ACOX2: variants seen among roughly 807,000 people sequenced by gnomAD.
The protein encoded by ACOX2 is acyl-CoA oxidase 2.
A neutral mutation model predicts 77.5 loss-of-function variants in ACOX2; 59 were observed. That is an observed-to-expected ratio of 0.76 (90% CI 0.62 to 0.95). ACOX2 has a LOEUF of 0.95. Among genes scored for constraint, ACOX2 ranks in the 40% least tolerant of loss-of-function variants. The pLI, the probability that ACOX2 is intolerant of heterozygous loss-of-function variation, is 0.00. For missense variants in ACOX2, 837 were observed against 880.4 expected, an observed-to-expected ratio of 0.95 and a Z score of 0.62; for synonymous variants, 317 against 340.1, an observed-to-expected ratio of 0.93 and a Z score of 0.75.
chr3:58,515,823 G>C lies in ACOX2; in HGVS notation c.1850+1383C>G, dbSNP rs757007601. ...GACAAGGTCTCACTTTGTTGCCCAG[G>C]CTGGAGTGCAGTGGTGTGATCATAG... On this transcript the variant is annotated intron_variant, in intron 13 of 14. Coordinates refer to ENST00000302819, the MANE Select transcript of ACOX2 (RefSeq NM_003500.4). The surrounding 1 kb of genome is among the most constrained non-coding windows in gnomAD (Gnocchi z 4.0). Among the ~76,000 whole-genome samples the C allele has an allele frequency of 6.6e-6, 1 of 151,962 alleles. No individual in the cohort carries two copies. Among genetic ancestry groups the C allele is most frequent in the Non-Finnish European group, 1.5e-5 (1 of 68,016 alleles).
intron 13 of ACOX2, among the ~76,000 whole-genome samples, chr3:58,510,703 TATATATACACAC>T (rs1189549917): frequency 2.2e-4 from 1 of 4,516 alleles, no homozygotes; most frequent in Non-Finnish European, 4.5e-4. Context: ...TATATATATA[TATATATACACAC>T]ACACACACAC....
rs1335825698 is a variant in ACOX2, at chr3:58,521,184, C to G, written c.1632+1312G>C. ...GGGGGTGCCCCTGCTGTAGGCTGAG[C>G]AGAACTGAGGGCTGCAGAGGTAATC... On this transcript the variant is annotated intron_variant, in intron 12 of 14. Transcript: ENST00000302819. The surrounding 1 kb of genome is among the most constrained non-coding windows in gnomAD (Gnocchi z 4.8). Among the ~76,000 whole-genome samples, 1 of 152,182 alleles carries G rather than the reference C, an allele frequency of 6.6e-6. No individual in the cohort carries two copies. The highest frequency in any genetic ancestry group is 2.4e-5 in the African/African-American group (1 of 41,442).
Position 58,535,750 on chromosome 3 carries a change from G to T in ACOX2, c.-91-553C>A, listed in dbSNP as rs1403640164. ...AGGAAGCCTTCTTCCTGCCTGTGAAGTGTTCCCCTGGAGCCCCTGAGTGTC... is the reference window on the plus strand; with the variant it reads ...AGGAAGCCTTCTTCCTGCCTGTGAATTGTTCCCCTGGAGCCCCTGAGTGTC... On this transcript the variant is annotated intron_variant, in intron 1 of 14. Coordinates refer to ENST00000302819, the MANE Select transcript of ACOX2 (RefSeq NM_003500.4). This position sits in a 1 kb window ranked among gnomAD's most constrained non-coding sequence, Gnocchi z 4.8. 6.6e-6 allele frequency among the ~76,000 whole-genome samples: 1 copy of T among 152,166 alleles called. No homozygotes were observed. Among genetic ancestry groups the T allele is most frequent in the Non-Finnish European group, 1.5e-5 (1 of 68,024 alleles).
chr3:58,520,682 C>T (rs1455989759), intron 12 of ACOX2, among the ~76,000 whole-genome samples: 1 of 152,240 alleles, frequency 6.6e-6, no homozygotes, highest in East Asian at 1.9e-4. Flanking sequence ...TTTCTGTAGA[C>T]TAAATAACCC....
At position 58,531,776 on chromosome 3, in the gene ACOX2, T is replaced by C. The variant is rs895944747; in HGVS notation, c.620A>G (p.Gln207Arg). The change falls in exon 6 of 15, where the codon CAG (glutamine) becomes CGG (arginine). Residue 207 changes from glutamine (Q) to arginine (R), a missense_variant. Gln to Arg is a conservative substitution (Grantham distance 43). Coordinates refer to ENST00000302819, the MANE Select transcript of ACOX2 (RefSeq NM_003500.4). The surrounding 1 kb of genome is among the most constrained non-coding windows in gnomAD (Gnocchi z 5.8). ...CCGCCTGGCTCCTGAGCAGATCAGC[T>C]GGGCCTGGACCAGGGCATGGGTGGC... ...RSATHALVQA[Q>R]LICSGARRGM... 1 of 1,614,052 alleles carries C rather than the reference T, an allele frequency of 6.2e-7. No homozygotes were observed. The highest frequency in any genetic ancestry group is 8.5e-7 in the Non-Finnish European group (1 of 1,180,040).
rs768083487 is a variant in ACOX2, at chr3:58,535,394, C to G, written c.-91-197G>C. On this transcript the variant is annotated intron_variant, in intron 1 of 14. Coordinates refer to ENST00000302819, the MANE Select transcript of ACOX2 (RefSeq NM_003500.4). The surrounding 1 kb of genome is among the most constrained non-coding windows in gnomAD (Gnocchi z 4.8). ...ACATGTTTGTTCAATACTTGTTAGC[C>G]AAAATTGGACAGGGCCTGACCCCAA... Among the ~76,000 whole-genome samples the G allele has an allele frequency of 6.6e-6, 1 of 152,120 alleles. No homozygotes were observed. The highest frequency in any genetic ancestry group is 1.5e-5 in the Non-Finnish European group (1 of 68,020).
In ACOX2 at chr3:58,512,863, CG is replaced by C. The variant is rs1404527796; in HGVS notation, c.1851-3839del. Among the ~76,000 whole-genome samples, 3 of 152,170 alleles carry C rather than the reference CG, an allele frequency of 2.0e-5. No homozygotes were observed. Among genetic ancestry groups the C allele is most frequent in the African/African-American group, 7.2e-5 (3 of 41,440 alleles). Reference sequence around the variant, plus strand: ...AACATGCTTTGCAGGTGTGACTGTACGAGCAATAGGCTATACCATTTAGGCT... The same window carrying C: ...AACATGCTTTGCAGGTGTGACTGTACAGCAATAGGCTATACCATTTAGGCT... On this transcript the variant is annotated intron_variant, in intron 13 of 14. Coordinates refer to ENST00000302819, the MANE Select transcript of ACOX2 (RefSeq NM_003500.4). The surrounding 1 kb of genome is among the most constrained non-coding windows in gnomAD (Gnocchi z 4.8).
Position 58,523,614 on chromosome 3 carries a change from A to AT in ACOX2, c.1526+811dup, listed in dbSNP as rs143640158. Among the ~76,000 whole-genome samples the AT allele has an allele frequency of 0.012, 1,866 of 151,728 alleles. 42 individuals are homozygous for AT. Among genetic ancestry groups the AT allele is most frequent in the African/African-American group, 0.043 (1,764 of 41,368 alleles). Reference sequence around the variant, plus strand: ...GTTTCCTTTTTATTTTTTTATTAAAATTTTTTGTATTTTTGGTAGAGGTGG... The same window carrying AT: ...GTTTCCTTTTTATTTTTTTATTAAAATTTTTTTGTATTTTTGGTAGAGGTGG... On this transcript the variant is annotated intron_variant, in intron 11 of 14. Transcript: ENST00000302819. The surrounding 1 kb of genome is among the most constrained non-coding windows in gnomAD (Gnocchi z 5.3).
Position 58,526,641 on chromosome 3 carries a change from T to C in ACOX2, c.1171A>G (p.Thr391Ala). Residue 391 changes from threonine to alanine, a missense_variant, in exon 10 of 15, where the codon ACG becomes GCG. Coordinates refer to ENST00000302819, the MANE Select transcript of ACOX2 (RefSeq NM_003500.4). The surrounding 1 kb of genome is among the most constrained non-coding windows in gnomAD (Gnocchi z 4.3). ...SFLPELHALS[T>A]GMKAMMSEFC... Reference sequence around the variant, plus strand: ...TCTGACATCATGGCCTTCATGCCCGTGCTCAGTGCGTGGAGCTGTGAGAAC... The same window carrying C: ...TCTGACATCATGGCCTTCATGCCCGCGCTCAGTGCGTGGAGCTGTGAGAAC... 6.2e-7 allele frequency: 1 copy of C among 1,614,056 alleles called. No homozygotes were observed. Among genetic ancestry groups the C allele is most frequent in the Non-Finnish European group, 8.5e-7 (1 of 1,179,996 alleles).
intron 13 of ACOX2, 62 bp downstream of exon 13, chr3:58,517,144 T>C (rs547563333): frequency 1.3e-6 from 2 of 1,576,826 alleles, no homozygotes; most frequent in African/African-American, 1.3e-5. Context: ...GGAAGTGACC[T>C]GTGAACAAGG....
In ACOX2 at chr3:58,531,198, C is replaced by G; in HGVS notation, c.819+53G>C. On this transcript the variant is annotated intron_variant, in intron 7 of 14. Coordinates refer to ENST00000302819, the MANE Select transcript of ACOX2 (RefSeq NM_003500.4). This position sits in a 1 kb window ranked among gnomAD's most constrained non-coding sequence, Gnocchi z 5.8. ...GGACCCAGGCCCAGCCTGCACAAAG[C>G]GCAGGTCCCCTCTCCAGGAAGTACA... 1.3e-6 allele frequency: 2 copies of G among 1,532,344 alleles called. No individual in the cohort carries two copies. The highest frequency in any genetic ancestry group is 1.8e-6 in the Non-Finnish European group (2 of 1,115,294). 94.9% of individuals were successfully genotyped at this position (1,532,344 alleles called of 1,614,324 possible).
At chr3:58,517,066 T>G in intron 13 of ACOX2, 140 bp downstream of exon 13, 1 of 772,112 alleles carries the variant, frequency 1.3e-6, no homozygotes, top group Non-Finnish European at 2.1e-6. Flanking sequence ...TATGCTGGTG[T>G]AATGATAATA....
At position 58,535,300 on chromosome 3, in the gene ACOX2, C is replaced by G; in HGVS notation, c.-91-103G>C. 1.6e-6 allele frequency: 1 copy of G among 634,790 alleles called. No homozygotes were observed. Among genetic ancestry groups the G allele is most frequent in the South Asian group, 1.9e-5 (1 of 52,382 alleles). 39.3% of individuals were successfully genotyped at this position (634,790 alleles called of 1,614,324 possible). A position where few individuals can be genotyped will look rare whatever the true frequency, so the allele number is the denominator to read the frequency against. ...GAATGCCACTCCACCTCCCCACTCC[C>G]CCTGTGGACACTGGCTGTGGACCAG... is the stretch of plus-strand genomic sequence containing the variant. On this transcript the variant is annotated intron_variant, in intron 1 of 14. Transcript: ENST00000302819. This position sits in a 1 kb window ranked among gnomAD's most constrained non-coding sequence, Gnocchi z 4.8.
At position 58,533,400 on chromosome 3, in the gene ACOX2, T is replaced by C; in HGVS notation, c.583+45A>G. ...AGTGCTACTCTGCCCTCCAACATTC[T>C]TCTACTTGGGGAGAGTTAAGGAAGG... On this transcript the variant is annotated intron_variant, in intron 5 of 14. Transcript: ENST00000302819. The surrounding 1 kb of genome is among the most constrained non-coding windows in gnomAD (Gnocchi z 5.6). 6.4e-7 allele frequency: 1 copy of C among 1,552,180 alleles called. No homozygotes were observed. The highest frequency in any genetic ancestry group is 8.9e-7 in the Non-Finnish European group (1 of 1,125,604).
intron 14 of ACOX2, among the ~76,000 whole-genome samples, chr3:58,507,199 A>G (rs566357236): frequency 6.6e-6 from 1 of 152,230 alleles, no homozygotes; most frequent in Non-Finnish European, 1.5e-5. Flanking sequence ...TTGTCTCACT[A>G]TGCAGGTTGT....
Position 58,530,334 on chromosome 3 carries a change from G to A in ACOX2, c.992+132C>T, listed in dbSNP as rs2063427979. The A allele has an allele frequency of 5.4e-6, 7 of 1,294,140 alleles. No individual in the cohort carries two copies. The South Asian group carries it at 8.2e-5, about 15-fold the overall frequency. 80.2% of individuals were successfully genotyped at this position (1,294,140 alleles called of 1,614,324 possible). A position where few individuals can be genotyped will look rare whatever the true frequency, so the allele number is the denominator to read the frequency against. On this transcript the variant is annotated intron_variant, in intron 8 of 14. Transcript: ENST00000302819. ...CAGGCTGGGTAGATTTTGTGTTTGT[G>A]TGTGTGTATGTGGTGGGGGGCATTG...
Position 58,531,108 on chromosome 3 carries a change from A to G in ACOX2, c.819+143T>C. 1 of 698,692 alleles carries G rather than the reference A, an allele frequency of 1.4e-6. No individual in the cohort carries two copies. The highest frequency in any genetic ancestry group is 1.8e-5 in the African/African-American group (1 of 55,526). The allele number at this position is 698,692 out of a possible 1,614,324, so 43.3% of individuals were successfully genotyped here. A position where few individuals can be genotyped will look rare whatever the true frequency, so the allele number is the denominator to read the frequency against. The stretch of plus-strand genomic sequence containing the variant: ...GCTCCTAAGCAGGGGTTTCACCCCA[A>G]TCTGTGGGATATCAGAGCCTCTCTT... On this transcript the variant is annotated intron_variant, in intron 7 of 14. Coordinates refer to ENST00000302819, the MANE Select transcript of ACOX2 (RefSeq NM_003500.4). The surrounding 1 kb of genome is among the most constrained non-coding windows in gnomAD (Gnocchi z 5.8).
In ACOX2 at chr3:58,523,796, T is replaced by C. The variant is rs72874375; in HGVS notation, c.1526+630A>G. On this transcript the variant is annotated intron_variant, in intron 11 of 14. Transcript: ENST00000302819. This position sits in a 1 kb window ranked among gnomAD's most constrained non-coding sequence, Gnocchi z 5.3. ...GGGCAGCATTCAGAACGTTTTCTTT[T>C]TAGGTAGTTAAACCTCCATCTTTTC... Among the ~76,000 whole-genome samples the C allele has an allele frequency of 7.2e-4, 109 of 152,268 alleles. No homozygotes were observed. The highest frequency in any genetic ancestry group is 2.6e-3 in the African/African-American group (107 of 41,550).
Position 58,516,908 on chromosome 3 carries a change from T to C in ACOX2, c.1850+298A>G, listed in dbSNP as rs79022512. On this transcript the variant is annotated intron_variant, in intron 13 of 14. Transcript: ENST00000302819. ...TTAGCACATTAGCACATATCATTCA[T>C]ATGTAGCATGCTTCATTTTATTGAT... Among the ~76,000 whole-genome samples the C allele has an allele frequency of 5.5e-3, 843 of 152,336 alleles. 10 individuals carry two copies. The highest frequency in any genetic ancestry group is 0.019 in the African/African-American group (790 of 41,590).
Sources: gnomAD v4.1 joint callset for allele counts (sites outside exome capture counted in the v4.1 genomes callset) on GRCh38, gnomAD v4.1.1 for gene constraint, Gnocchi (gnomAD v3.1) non-coding constraint, MANE v1.5 for transcripts, NCBI Gene and HGNC (gene_info 2026-07-23, HGNC 2026-07-21) for gene names.